Variants in TMPRSS13 observed in about 807,000 individuals in gnomAD.
TMPRSS13 encodes transmembrane protease serine 13.
In TMPRSS13, 50 loss-of-function variants were observed where a neutral mutation model predicts 68.4. The ratio of observed to expected loss-of-function variants is 0.73; its 90% CI spans 0.58 to 0.93. TMPRSS13 has a LOEUF of 0.93. Among genes scored for constraint, TMPRSS13 ranks in the 40% least tolerant of loss-of-function variants. TMPRSS13 has a pLI of 0.00. For missense variants in TMPRSS13, 615 were observed against 729.2 expected (o/e 0.84, Z 1.80); for synonymous variants, 267 against 285.8 (o/e 0.93, Z 0.66).
chr11:117,909,441 T>C (rs2057497511), intron 8 of TMPRSS13, among the ~76,000 whole-genome samples: 1 of 152,178 alleles, frequency 6.6e-6, no homozygotes, highest in African/African-American at 2.4e-5. Flanking sequence ...ACCCTCAATT[T>C]CTGGGATAAC....
rs2134869485 is a variant in TMPRSS13, at chr11:117,902,062, GCACACATATGCA to G, written c.*165_*176del. On this transcript the variant is annotated 3_prime_UTR_variant, in exon 13 of 13. Coordinates refer to ENST00000524993, the MANE Select transcript of TMPRSS13 (RefSeq NM_001077263.3). ...CTGAAAAACTTGGGAGAGTGGCAATGCACACATATGCACACACACACACACACACACACACAC... is the reference window on the plus strand; with the variant it reads ...CTGAAAAACTTGGGAGAGTGGCAATGCACACACACACACACACACACACAC... The G allele has an allele frequency of 2.9e-6, 2 of 678,052 alleles. No individual in the cohort carries two copies. The highest frequency in any genetic ancestry group is 5.5e-5 in the East Asian group (2 of 36,188). 42.0% of individuals were successfully genotyped at this position (678,052 alleles called of 1,614,324 possible).
intron 1 of TMPRSS13, among the ~76,000 whole-genome samples, chr11:117,924,638 T>C (rs765937493): frequency 1.3e-5 from 2 of 152,044 alleles, no homozygotes; most frequent in Non-Finnish European, 2.9e-5. Flanking sequence ...TGGGGAGCCC[T>C]GGGGTTGTGG....
rs2057565463 is a variant in TMPRSS13, at chr11:117,915,252, G to A, written c.557-738C>T. 6.6e-6 allele frequency among the ~76,000 whole-genome samples: 1 copy of A among 152,182 alleles called. No individual in the cohort carries two copies. The highest frequency in any genetic ancestry group is 1.5e-5 in the Non-Finnish European group (1 of 68,024). ...GCAATCTCTTTCCAAACCAGGGGCTGTGGGCCCTCCTGCCTGGAGGCACCT... is the reference window on the plus strand; with the variant it reads ...GCAATCTCTTTCCAAACCAGGGGCTATGGGCCCTCCTGCCTGGAGGCACCT... On this transcript the variant is annotated intron_variant, in intron 3 of 12. Transcript: ENST00000524993. This position sits in a 1 kb window ranked among gnomAD's most constrained non-coding sequence, Gnocchi z 4.9.
intron 2 of TMPRSS13, 37 bp from the exon 3 acceptor site, chr11:117,917,311 G>C: frequency 6.5e-7 from 1 of 1,550,326 alleles, no homozygotes; most frequent in Non-Finnish European, 8.8e-7. Flanking sequence ...TATGAGGCTG[G>C]AGAGGAGTCC....
intron 2 of TMPRSS13, 53 bp from the exon 3 acceptor site, chr11:117,917,327 G>T: frequency 7.1e-7 from 1 of 1,410,584 alleles, no homozygotes. Flanking sequence ...AGTCCGACGA[G>T]ATGGAGAGGG....
At position 117,901,231 on chromosome 11, in the gene TMPRSS13, G is replaced by A. The variant is rs78306421; in HGVS notation, c.*1008C>T. 208 of 152,700 alleles carry A rather than the reference G, an allele frequency of 1.4e-3. No homozygotes were observed. The highest frequency in any genetic ancestry group is 6.6e-3 in the East Asian group (34 of 5,178). The allele number at this position is 152,700 out of a possible 1,614,324, so 9.5% of individuals were successfully genotyped here. On this transcript the variant is annotated 3_prime_UTR_variant, in exon 13 of 13. Coordinates refer to ENST00000524993, the MANE Select transcript of TMPRSS13 (RefSeq NM_001077263.3). Reference sequence around the variant, plus strand: ...CCCTGGGGCCCCTGGGAGCCTACGCGGGAACAGCATCTGTTTCTTAACGCC... The same window carrying A: ...CCCTGGGGCCCCTGGGAGCCTACGCAGGAACAGCATCTGTTTCTTAACGCC...
In TMPRSS13 at chr11:117,906,258, C is replaced by G. The variant is rs187330174; in HGVS notation, c.1283-522G>C. Among the ~76,000 whole-genome samples the G allele has an allele frequency of 1.9e-4, 29 of 152,372 alleles. No individual in the cohort carries two copies. The East Asian group carries it at 5.6e-3, about 29-fold the overall frequency. On this transcript the variant is annotated intron_variant, in intron 9 of 12. Transcript: ENST00000524993. ...TTTCCCAGCACAAGGTAAGAAATCTCTCCAAACAGGAAACACATTCCTAGA... is the reference window on the plus strand; with the variant it reads ...TTTCCCAGCACAAGGTAAGAAATCTGTCCAAACAGGAAACACATTCCTAGA...
chr11:117,911,940 C>T (rs2057527553), intron 5 of TMPRSS13, 80 bp from the exon 6 acceptor site: 1 of 1,162,950 alleles, frequency 8.6e-7, no homozygotes, highest in Admixed American at 1.8e-5. Flanking sequence ...TAGAGCCCCA[C>T]CAGCCCTGCC....
chr11:117,909,916 C>T lies in TMPRSS13; in HGVS notation c.999G>A (p.Ser333=), dbSNP rs751684754. ...TGRIVGGALA[S]DSKWPWQVSL... The stretch of plus-strand genomic sequence containing the variant: ...TCACTTGCCAAGGCCACTTGCTATC[C>T]GAGGCCAGCGCCCCTCCCACGATCC... Residue 333 remains serine (S), a synonymous_variant, in exon 8 of 13, where the codon TCG becomes TCA. Coordinates refer to ENST00000524993, the MANE Select transcript of TMPRSS13 (RefSeq NM_001077263.3). 1 of 1,614,142 alleles carries T rather than the reference C, an allele frequency of 6.2e-7. No homozygotes were observed. The highest frequency in any genetic ancestry group is 1.7e-5 in the Admixed American group (1 of 60,028).
At chr11:117,903,284 C>T in intron 12 of TMPRSS13, 1 of 1,282,138 alleles carries the variant, frequency 7.8e-7, no homozygotes, top group Middle Eastern at 2.7e-4. Flanking sequence ...AGAGCGGATT[C>T]CCATGCATAA....
chr11:117,920,804 TTTTG>T (rs1343341474), intron 1 of TMPRSS13, among the ~76,000 whole-genome samples: 2 of 151,950 alleles, frequency 1.3e-5, no homozygotes, highest in African/African-American at 2.4e-5. Context: ...GATAGTGGGG[TTTTG>T]TTTGTTTGTT....
Position 117,913,839 on chromosome 11 carries a change from G to T in TMPRSS13, c.747C>A (p.Ile249=), listed in dbSNP as rs770422532. 6.2e-7 allele frequency: 1 copy of T among 1,614,144 alleles called. No individual in the cohort carries two copies. ...AGGAGTCATTCCAGTTGCTGCTACA[G>T]ATGGGAAGCCACTGATGGGAGGACC... ...YSGSSHQWLP[I]CSSNWNDSYS... Residue 249 remains isoleucine (I), a synonymous_variant, in exon 5 of 13, where the codon ATC becomes ATA. Transcript: ENST00000524993.
At chr11:117,918,332 A>C (rs1157565982) in intron 2 of TMPRSS13, 77 bp downstream of exon 2, 1 of 1,508,146 alleles carries the variant, frequency 6.6e-7, no homozygotes, top group Non-Finnish European at 9.0e-7. Flanking sequence ...AGAGCAGAGC[A>C]CACTGGCTCT....
chr11:117,910,328 G>A (rs1455036036), intron 7 of TMPRSS13, among the ~76,000 whole-genome samples: 1 of 152,194 alleles, frequency 6.6e-6, no homozygotes, highest in Non-Finnish European at 1.5e-5. Context: ...ATGATGGTAA[G>A]TCCCAGGACT....
chr11:117,901,629 A>G lies in TMPRSS13; in HGVS notation c.*610T>C, dbSNP rs138469537. 1 of 152,834 alleles carries G rather than the reference A, an allele frequency of 6.5e-6. No individual in the cohort carries two copies. The highest frequency in any genetic ancestry group is 2.4e-5 in the African/African-American group (1 of 41,594). 9.5% of individuals were successfully genotyped at this position (152,834 alleles called of 1,614,324 possible). A position where few individuals can be genotyped will look rare whatever the true frequency, so the allele number is the denominator to read the frequency against. Reference sequence around the variant, plus strand: ...CAGCAGCTTGTGACCAAATGAGTACAGTGAATCCTCATCTCAGTTGTCAGC... The same window carrying G: ...CAGCAGCTTGTGACCAAATGAGTACGGTGAATCCTCATCTCAGTTGTCAGC... On this transcript the variant is annotated 3_prime_UTR_variant, in exon 13 of 13. Coordinates refer to ENST00000524993, the MANE Select transcript of TMPRSS13 (RefSeq NM_001077263.3).
At chr11:117,923,920 G>C (rs925866604) in intron 1 of TMPRSS13, among the ~76,000 whole-genome samples, 5 of 151,280 alleles carry the variant, frequency 3.3e-5, no homozygotes, top group Non-Finnish European at 5.9e-5. Flanking sequence ...GCCTGAGGGC[G>C]GGTGCATCAG....
At position 117,903,723 on chromosome 11, in the gene TMPRSS13, G is replaced by A; in HGVS notation, c.1609C>T (p.Gln537Ter). 1.2e-6 allele frequency: 2 copies of A among 1,613,772 alleles called. No individual in the cohort carries two copies. The highest frequency in any genetic ancestry group is 1.7e-6 in the Non-Finnish European group (2 of 1,179,856). Residue 537 changes from glutamine to a stop codon, truncating the protein, a stop_gained, in exon 12 of 13, where the codon CAG becomes TAG. Transcript: ENST00000524993. LOFTEE classifies it high-confidence loss of function. ...GTGTACACACCAGGTTTGTTTCTCTGGCCACAGCCTGTGCCCCAGCTGGTG... is the reference window on the plus strand; with the variant it reads ...GTGTACACACCAGGTTTGTTTCTCTAGCCACAGCCTGTGCCCCAGCTGGTG... The part of the protein sequence containing the change: ...GVTSWGTGCG[Q>*]RNKPGVYTKV...
chr11:117,920,465 T>C (rs1479659184), intron 1 of TMPRSS13, among the ~76,000 whole-genome samples: 2 of 151,664 alleles, frequency 1.3e-5, no homozygotes, highest in African/African-American at 4.8e-5. Context: ...CAGCCTCCCA[T>C]GTAGCTGGGA....
At chr11:117,927,690 T>C (rs2057719877) in intron 1 of TMPRSS13, among the ~76,000 whole-genome samples, 1 of 152,158 alleles carries the variant, frequency 6.6e-6, no homozygotes. Context: ...TCCTATTTAA[T>C]CAAGGTTAAG....
Sources: allele counts gnomAD v4.1 joint callset (sites outside exome capture counted in the v4.1 genomes callset), GRCh38; gene constraint gnomAD v4.1.1; non-coding constraint Gnocchi (gnomAD v3.1); transcripts MANE v1.5; gene names NCBI Gene and HGNC (gene_info 2026-07-23, HGNC 2026-07-21).